Variants in GLT1D1 observed in about 807,000 individuals in gnomAD.
The protein encoded by GLT1D1 is glycosyltransferase 1 domain-containing protein 1.
Under a neutral mutation model 28.7 loss-of-function variants are expected in GLT1D1, and 21 were observed. That is an observed-to-expected ratio of 0.73 (90% confidence interval 0.52 to 1.05). The LOEUF (loss-of-function observed/expected upper bound fraction) is 1.05, where lower values mean the gene tolerates loss of function less well. GLT1D1 is among the 50% of genes least tolerant of loss of function. GLT1D1 has a pLI of 0.00. For missense variants in GLT1D1, 343 were observed against 330.6 expected, an observed-to-expected ratio of 1.04 and a Z score of -0.29; for synonymous variants, 147 against 124.8, an observed-to-expected ratio of 1.18 and a Z score of -1.19.
At chr12:128,866,597 C>T (rs539225191) in intron 1 of GLT1D1, among the ~76,000 whole-genome samples, 19 of 148,312 alleles carry the variant, frequency 1.3e-4, no homozygotes, top group South Asian at 6.5e-4. Context: ...CCACGTGGTT[C>T]GCTGCCTCAT....
At chr12:128,960,569 C>A (rs1307713832) in intron 7 of GLT1D1, among the ~76,000 whole-genome samples, 1 of 151,926 alleles carries the variant, frequency 6.6e-6, no homozygotes, top group African/African-American at 2.4e-5. Flanking sequence ...ACAAGCCTGG[C>A]AAACATGCAA....
rs760128458 is a variant in GLT1D1 at position 128,927,159 on chromosome 12, G to A, written c.376-18167G>A. 1.3e-6 allele frequency: 2 copies of A among 1,531,158 alleles called. No individual in the cohort carries two copies. The highest frequency in any genetic ancestry group is 1.8e-6 in the Non-Finnish European group (2 of 1,142,500). The allele number at this position is 1,531,158 out of a possible 1,614,324, so 94.8% of individuals were successfully genotyped here. A position where few individuals can be genotyped will look rare whatever the true frequency, so the allele number is the denominator to read the frequency against. ...CTGGTGATTGTGGGTCCTGAAGTAA[G>A]TTGATGTGCAGTAAACACTTATCTC... On this transcript the variant is annotated intron_variant, in intron 4 of 7. Coordinates refer to ENST00000281703, the MANE Select transcript of GLT1D1 (RefSeq NM_144669.3).
At chr12:128,954,111 TTTTTTG>T (rs1206502062) in intron 6 of GLT1D1, among the ~76,000 whole-genome samples, 4 of 150,868 alleles carry the variant, frequency 2.7e-5, no homozygotes, top group African/African-American at 9.7e-5. Flanking sequence ...TCACCTGTTT[TTTTTTG>T]TTTTTGTTTT....
In GLT1D1 at chr12:128,940,178, G is replaced by A. The variant is rs564343035; in HGVS notation, c.376-5148G>A. 2.3e-4 allele frequency among the ~76,000 whole-genome samples: 35 copies of A among 152,038 alleles called. No individual in the cohort carries two copies. The South Asian group carries it at 4.1e-3, about 18-fold the overall frequency. Reference sequence around the variant, plus strand: ...GGTGGTGTCGTCTGTAGCTCTCATCGTTATTTTCTTCTAGCATTTTTCTAA... The same window carrying A: ...GGTGGTGTCGTCTGTAGCTCTCATCATTATTTTCTTCTAGCATTTTTCTAA... On this transcript the variant is annotated intron_variant, in intron 4 of 7. Transcript: ENST00000281703.
At chr12:128,927,656 A>G (rs1389670211) in intron 4 of GLT1D1, among the ~76,000 whole-genome samples, 2 of 152,156 alleles carry the variant, frequency 1.3e-5, no homozygotes, top group East Asian at 3.9e-4. Context: ...ATGAATCTTG[A>G]CGACTAATTT....
At chr12:128,936,635 T>C (rs928765196) in intron 4 of GLT1D1, among the ~76,000 whole-genome samples, 1 of 152,202 alleles carries the variant, frequency 6.6e-6, no homozygotes, top group African/African-American at 2.4e-5. Flanking sequence ...GGGTGCATTT[T>C]CTGGTGCTCT....
At chr12:128,928,265 A>G (rs1873489788) in intron 4 of GLT1D1, among the ~76,000 whole-genome samples, 2 of 152,150 alleles carry the variant, frequency 1.3e-5, no homozygotes, top group Middle Eastern at 3.4e-3. Flanking sequence ...GTATCTGTAA[A>G]TCCGAGAAAC....
intron 7 of GLT1D1, among the ~76,000 whole-genome samples, chr12:128,978,240 A>AC (rs1879976774): frequency 6.6e-6 from 1 of 151,988 alleles, no homozygotes; most frequent in Non-Finnish European, 1.5e-5. Context: ...CCTGTGTGAA[A>AC]CCTGCAGCAC....
chr12:128,874,521 C>A (rs1956827453), intron 1 of GLT1D1, among the ~76,000 whole-genome samples: 1 of 129,456 alleles, frequency 7.7e-6, no homozygotes, highest in Admixed American at 9.4e-5. Context: ...CTTGCTCTGT[C>A]ACCTAGGCTG....
chr12:128,953,195 G>A (rs186757319), intron 6 of GLT1D1, among the ~76,000 whole-genome samples: 70 of 152,266 alleles, frequency 4.6e-4, no homozygotes, highest in African/African-American at 1.6e-3. Flanking sequence ...TTGTTGAGTT[G>A]TAAGAGTTCT....
intron 1 of GLT1D1, among the ~76,000 whole-genome samples, chr12:128,866,595 T>C (rs1956528322): frequency 6.7e-6 from 1 of 149,562 alleles, no homozygotes; most frequent in Non-Finnish European, 1.5e-5. Flanking sequence ...ATCCACGTGG[T>C]TCGCTGCCTC....
At chr12:128,978,738 G>T (rs964987538) in intron 7 of GLT1D1, among the ~76,000 whole-genome samples, 1 of 152,136 alleles carries the variant, frequency 6.6e-6, no homozygotes, top group Non-Finnish European at 1.5e-5. Context: ...TGGCTACTCC[G>T]TAGACAGAGC....
At chr12:128,907,390 C>T (rs1870990455) in intron 4 of GLT1D1, among the ~76,000 whole-genome samples, 1 of 150,390 alleles carries the variant, frequency 6.6e-6, no homozygotes, top group Non-Finnish European at 1.5e-5. Context: ...ACTGCAAGCT[C>T]TGCCTCCCGG....
chr12:128,867,493 T>C (rs146971074), intron 1 of GLT1D1, among the ~76,000 whole-genome samples: 2,167 of 151,710 alleles, frequency 0.014, 50 homozygotes, highest in African/African-American at 0.048. Flanking sequence ...TTTTGTTCTT[T>C]ACTGAACCCT....
intron 7 of GLT1D1, among the ~76,000 whole-genome samples, chr12:128,980,901 G>T (rs1880256567): frequency 6.6e-6 from 1 of 152,204 alleles, no homozygotes; most frequent in Admixed American, 6.5e-5. Context: ...GTGCATACAG[G>T]GATAGAGGGT....
intron 7 of GLT1D1, among the ~76,000 whole-genome samples, chr12:128,963,847 C>T (rs549910377): frequency 9.1e-4 from 138 of 152,260 alleles, no homozygotes; most frequent in African/African-American, 2.5e-3. Flanking sequence ...GTGGGTGGTG[C>T]GCAGATGGCA....
At chr12:128,908,105 C>T (rs1287925578) in intron 4 of GLT1D1, among the ~76,000 whole-genome samples, 1 of 151,976 alleles carries the variant, frequency 6.6e-6, no homozygotes, top group Admixed American at 6.6e-5. Context: ...ATTTTTTAGA[C>T]GAGTCTTGTT....
intron 1 of GLT1D1, among the ~76,000 whole-genome samples, chr12:128,862,096 A>C (rs1956393771): frequency 1.3e-5 from 2 of 152,194 alleles, no homozygotes; most frequent in South Asian, 4.1e-4. Context: ...TGGGAGGCTG[A>C]GGCAGGCAGG....
At chr12:128,914,744 C>A (rs1001987556) in intron 4 of GLT1D1, among the ~76,000 whole-genome samples, 189 bp from the exon 6 acceptor site, 1 of 151,962 alleles carries the variant, frequency 6.6e-6, no homozygotes, top group African/African-American at 2.4e-5. Context: ...CGCTTCAAAC[C>A]GGGAAGAGGA....
Sources: gnomAD v4.1 joint callset for allele counts (sites outside exome capture counted in the v4.1 genomes callset) on GRCh38, gnomAD v4.1.1 for gene constraint, MANE v1.5 for transcripts, NCBI Gene and HGNC (gene_info 2026-07-23, HGNC 2026-07-21) for gene names.